The following UBAP2L variants were observed in gnomAD, a reference collection of about 807,000 sequenced individuals.
UBAP2L encodes ubiquitin-associated protein 2-like.
UBAP2L carries 12 observed loss-of-function variants against 130.6 expected under a neutral mutation model. The observed-to-expected ratio is 0.09, with a 90% CI of 0.06 to 0.15. UBAP2L has a LOEUF of 0.15. Ranked by LOEUF, UBAP2L falls within the 10% of genes least tolerant of loss-of-function variation. UBAP2L has a pLI of 1.00. For synonymous variants in UBAP2L, 503 were observed against 524.7 expected (o/e 0.96, Z 0.57); for missense variants, 965 against 1,332.5 (o/e 0.72, Z 4.29).
chr1:154,220,593 C>A, upstream of UBAP2L: 1 of 623,662 alleles, frequency 1.6e-6, no homozygotes, highest in Non-Finnish European at 2.8e-6. Context: ...GAAAGGAGAA[C>A]GACGCCTTCC....
chr1:154,260,393 A>G (rs754677643), intron 22 of UBAP2L, among the ~76,000 whole-genome samples: 3 of 152,222 alleles, frequency 2.0e-5, no homozygotes, highest in Non-Finnish European at 2.9e-5. Flanking sequence ...AGCTTTTTCC[A>G]GGAAATACAG....
intron 8 of UBAP2L, among the ~76,000 whole-genome samples, chr1:154,241,215 C>A (rs2483709): frequency 0.97 from 148,118 of 152,082 alleles, 72,154 homozygotes; most frequent in East Asian, 1. Context: ...CAGCCTCCCG[C>A]GTAGCTGGGA....
chr1:154,235,393 C>T, intron 6 of UBAP2L, 102 bp downstream of exon 6: 1 of 607,286 alleles, frequency 1.6e-6, no homozygotes, highest in East Asian at 2.9e-5. Flanking sequence ...CTCACTCTCA[C>T]CCAGGCCGGA....
chr1:154,250,689 A>G (rs1677297463), intron 12 of UBAP2L, among the ~76,000 whole-genome samples: 2 of 152,102 alleles, frequency 1.3e-5, no homozygotes, highest in South Asian at 4.2e-4. Flanking sequence ...CCCCGTGTCT[A>G]CTAAAAACAC....
intron 8 of UBAP2L, among the ~76,000 whole-genome samples, chr1:154,240,034 G>A (rs1318962453): frequency 6.6e-6 from 1 of 152,136 alleles, no homozygotes; most frequent in African/African-American, 2.4e-5. Context: ...AATTTTAGAT[G>A]GGCTTTGTAT....
At chr1:154,258,008 A>G (rs1341255587) in intron 20 of UBAP2L, among the ~76,000 whole-genome samples, 2 of 152,154 alleles carry the variant, frequency 1.3e-5, no homozygotes, top group East Asian at 1.9e-4. Context: ...TCTTTTACCC[A>G]GGTTGGAGTA....
In UBAP2L at chr1:154,255,220, G is replaced by C; in HGVS notation, c.1978G>C (p.Val660Leu). Residue 660 changes from valine to leucine, a missense_variant, in exon 17 of 27, where the codon GTA becomes CTA. Physicochemically the swap from Val to Leu is conservative, Grantham distance 32. Around this residue, in one of 9 missense-constraint regions of UBAP2L, gnomAD observed 393 missense variants for 408.1 expected, o/e 0.96. Coordinates refer to ENST00000428931, the MANE Select transcript of UBAP2L (RefSeq NM_014847.4). ...TAGCATCCCCCCTCTCAATGAAACG[G>C]TATCTGCAGCTTCCTTACTGACGAC... ...TSSIPPLNET[V>L]SAASLLTTTN... 1.9e-6 allele frequency: 3 copies of C among 1,614,190 alleles called. No homozygotes were observed. Among genetic ancestry groups the C allele is most frequent in the Non-Finnish European group, 2.5e-6 (3 of 1,180,030 alleles).
At chr1:154,245,211 A>G (rs1169226860) in intron 10 of UBAP2L, among the ~76,000 whole-genome samples, 3 of 152,178 alleles carry the variant, frequency 2.0e-5, no homozygotes, top group Non-Finnish European at 4.4e-5. Context: ...GGTGTGAGCC[A>G]CTGCATCCAG....
intron 14 of UBAP2L, among the ~76,000 whole-genome samples, chr1:154,253,658 C>A (rs1038192562): frequency 6.6e-6 from 1 of 152,184 alleles, no homozygotes; most frequent in African/African-American, 2.4e-5. Flanking sequence ...AGGCGTGAGC[C>A]ACTGCGCCCG....
chr1:154,235,426 C>T, intron 6 of UBAP2L, 135 bp downstream of exon 6: 1 of 577,956 alleles, frequency 1.7e-6, no homozygotes, highest in Non-Finnish European at 3.1e-6. Context: ...AGTCATAGCT[C>T]ACTGCAGCCT....
At chr1:154,227,231 C>G (rs896239731) in intron 2 of UBAP2L, 51 bp from the exon 3 acceptor site, 1 of 1,534,620 alleles carries the variant, frequency 6.5e-7, no homozygotes, top group Admixed American at 1.7e-5. Context: ...TTCCTGTTCT[C>G]TAAACTGTTG....
chr1:154,244,206 AG>A (rs1445243974), intron 10 of UBAP2L, among the ~76,000 whole-genome samples: 1 of 152,174 alleles, frequency 6.6e-6, no homozygotes, highest in African/African-American at 2.4e-5. Flanking sequence ...TTAACTACCC[AG>A]AGTTAATGCA....
intron 18 of UBAP2L, among the ~76,000 whole-genome samples, 154 bp from the exon 19 acceptor site, chr1:154,256,909 T>C (rs560099431): frequency 2.6e-5 from 4 of 152,356 alleles, no homozygotes; most frequent in South Asian, 2.1e-4. Context: ...CTAACTACTT[T>C]AGCAGGGTGT....
intron 10 of UBAP2L, among the ~76,000 whole-genome samples, chr1:154,244,066 G>C (rs1010381222): frequency 1.3e-5 from 2 of 152,160 alleles, no homozygotes; most frequent in Non-Finnish European, 2.9e-5. Context: ...GCTAATAAAC[G>C]TTTTAGAATT....
chr1:154,220,325 TG>T (rs768583049), upstream of UBAP2L: 4 of 1,613,776 alleles, frequency 2.5e-6, no homozygotes, highest in Admixed American at 6.7e-5. Flanking sequence ...AGGAATGGGG[TG>T]GGGTAATCTC....
At chr1:154,225,587 A>G (rs1367038731) in intron 2 of UBAP2L, among the ~76,000 whole-genome samples, 1 of 151,998 alleles carries the variant, frequency 6.6e-6, no homozygotes, top group Non-Finnish European at 1.5e-5. Context: ...CTCCCGCCTC[A>G]GCCTCCTGAG....
rs777791905 is a variant in UBAP2L, at chr1:154,261,136, TGTG to T, written c.2796+31_2796+33del. On this transcript the variant is annotated intron_variant, in intron 23 of 26. Coordinates refer to ENST00000428931, the MANE Select transcript of UBAP2L (RefSeq NM_014847.4). ...TGAGTACCTGGCTTTGGTCACTCCT[TGTG>T]GTGAAGGATCCTAGCCCTGGACACT... 3.8e-5 allele frequency: 61 copies of T among 1,606,556 alleles called. No individual in the cohort carries two copies. In the Middle Eastern group the frequency reaches 1.8e-3, roughly 48 times the overall value.
At chr1:154,258,715 GTCTAC>G (rs2148988113) in intron 20 of UBAP2L, 1 of 336,662 alleles carries the variant, frequency 3.0e-6, no homozygotes, top group East Asian at 5.9e-5. Context: ...TATGTTTTGT[GTCTAC>G]TCTATTGGTA....
intron 18 of UBAP2L, 55 bp downstream of exon 18, chr1:154,255,810 C>T (rs1370682397): frequency 6.3e-7 from 1 of 1,586,642 alleles, no homozygotes; most frequent in Admixed American, 1.7e-5. Flanking sequence ...AACTGTCCAA[C>T]TGTAAGATTG....
Sources: allele counts gnomAD v4.1 joint callset (sites outside exome capture counted in the v4.1 genomes callset), GRCh38; gene constraint gnomAD v4.1.1; regional missense constraint gnomAD v4.1.1; transcripts MANE v1.5; gene names NCBI Gene and HGNC (gene_info 2026-07-23, HGNC 2026-07-21).